EIF3L: variants seen among roughly 807,000 people sequenced by gnomAD.
The protein encoded by EIF3L is eIEF associated protein HSPC021.
In EIF3L, 32 loss-of-function variants were observed where a neutral mutation model predicts 74.6. The observed-to-expected ratio is 0.43, with a 90% CI of 0.32 to 0.58. The LOEUF is 0.58. Ranked by LOEUF, EIF3L falls within the 20% of genes least tolerant of loss-of-function variation. The pLI is 0.06. For missense variants in EIF3L, 474 were observed against 707.8 expected, an observed-to-expected ratio of 0.67 and a Z score of 3.75; for synonymous variants, 256 against 254.4, an observed-to-expected ratio of 1.01 and a Z score of -0.06.
chr22:37,876,099 C>T (rs989567662), intron 10 of EIF3L, 88 bp downstream of exon 10: 2 of 1,396,218 alleles, frequency 1.4e-6, no homozygotes, highest in Non-Finnish European at 2.0e-6. Flanking sequence ...AAACACCATC[C>T]AAAATATTGC....
At chr22:37,872,420 G>T (rs978608133) in intron 8 of EIF3L, among the ~76,000 whole-genome samples, 1 of 152,024 alleles carries the variant, frequency 6.6e-6, no homozygotes, top group African/African-American at 2.4e-5. Context: ...CACTGCGCCT[G>T]GCCATGTGTG....
chr22:37,876,236 C>A, intron 10 of EIF3L: 2 of 452,018 alleles, frequency 4.4e-6, no homozygotes, highest in South Asian at 3.3e-5. Context: ...ATCAGGCGAT[C>A]ATCCTACCTT....
At chr22:37,852,213 C>G (rs1176353683) in intron 3 of EIF3L, among the ~76,000 whole-genome samples, 1 of 152,148 alleles carries the variant, frequency 6.6e-6, no homozygotes, top group African/African-American at 2.4e-5. Context: ...ATAGATCCAT[C>G]AATGTTCAGT....
Position 37,863,357 on chromosome 22 carries a change from G to C in EIF3L, c.579+12G>C, listed in dbSNP as rs1264017168. The C allele has an allele frequency of 1.3e-6, 2 of 1,598,418 alleles. No homozygotes were observed. Among genetic ancestry groups the C allele is most frequent in the African/African-American group, 2.7e-5 (2 of 74,222 alleles). ...AGTTCATCTACCAGGTATCTGGTCA[G>C]CTTCAGCCTAATTTGAAATAACTGG... is the stretch of plus-strand genomic sequence containing the variant. On this transcript the variant is annotated intron_variant, in intron 7 of 12. Coordinates refer to ENST00000652021, the MANE Select transcript of EIF3L (RefSeq NM_016091.4).
intron 4 of EIF3L, among the ~76,000 whole-genome samples, chr22:37,855,984 A>G (rs1925480292): frequency 1.3e-5 from 2 of 152,060 alleles, no homozygotes; most frequent in Admixed American, 6.6e-5. Flanking sequence ...AGGTAGGCAA[A>G]TCCAACTTCA....
At chr22:37,863,213 C>A in intron 6 of EIF3L, 59 bp from the exon 7 acceptor site, 4 of 1,427,076 alleles carry the variant, frequency 2.8e-6, no homozygotes, top group Non-Finnish European at 3.9e-6. Context: ...CATTCTGCAG[C>A]CTACAGAATG....
intron 11 of EIF3L, chr22:37,879,035 C>G (rs1395537317): frequency 6.6e-6 from 1 of 151,270 alleles, no homozygotes; most frequent in African/African-American, 2.4e-5. Context: ...CCTCCGCCTC[C>G]CAGGTTCAAG....
At chr22:37,867,967 A>G (rs1196415272) in intron 7 of EIF3L, among the ~76,000 whole-genome samples, 2 of 151,394 alleles carry the variant, frequency 1.3e-5, no homozygotes. Flanking sequence ...AAAAAAAAAA[A>G]AAAGAAAAAG....
At chr22:37,883,387 C>T (rs914374563) in intron 11 of EIF3L, 1 of 151,068 alleles carries the variant, frequency 6.6e-6, no homozygotes, top group African/African-American at 2.4e-5. Flanking sequence ...CAAGACCATC[C>T]TGGCTAACAC....
At chr22:37,859,937 G>A (rs1275415243) in intron 5 of EIF3L, among the ~76,000 whole-genome samples, 8 of 152,020 alleles carry the variant, frequency 5.3e-5, no homozygotes, top group Admixed American at 4.6e-4. Context: ...GCTTGAACCC[G>A]GGAAGCGGAG....
intron 5 of EIF3L, among the ~76,000 whole-genome samples, chr22:37,862,151 A>C (rs1016574136): frequency 6.6e-6 from 1 of 152,212 alleles, no homozygotes; most frequent in Admixed American, 6.5e-5. Context: ...ATCTTACTTC[A>C]TTGTGACTAG....
chr22:37,849,593 C>T (rs1241035166), intron 1 of EIF3L, 111 bp downstream of exon 1: 6 of 1,258,190 alleles, frequency 4.8e-6, no homozygotes, highest in East Asian at 2.4e-5. Flanking sequence ...CTCCGGCCGA[C>T]CTCCCGCCCG....
At chr22:37,875,044 A>G (rs567343778) in intron 9 of EIF3L, among the ~76,000 whole-genome samples, 2 of 150,486 alleles carry the variant, frequency 1.3e-5, no homozygotes, top group East Asian at 2.1e-4. Context: ...TGCCTGGCCC[A>G]TGGCAGCTCT....
intron 5 of EIF3L, among the ~76,000 whole-genome samples, chr22:37,860,188 C>T (rs1017307131): frequency 2.0e-5 from 3 of 152,112 alleles, no homozygotes. Context: ...TCTTATTTTC[C>T]CTCTAAACTA....
chr22:37,853,033 C>T (rs1367075189), intron 3 of EIF3L, among the ~76,000 whole-genome samples: 1 of 152,094 alleles, frequency 6.6e-6, no homozygotes, highest in Non-Finnish European at 1.5e-5. Flanking sequence ...ATGATGAATC[C>T]GTATCTGTAC....
In EIF3L at chr22:37,877,895, C is replaced by T. The variant is rs1438261778; in HGVS notation, c.1299C>T (p.Pro433=). 1.9e-6 allele frequency: 3 copies of T among 1,612,908 alleles called. No homozygotes were observed. Among genetic ancestry groups the T allele is most frequent in the African/African-American group, 2.7e-5 (2 of 74,880 alleles). ...TGCCCAACTATGATAATGTGCACCC[C>T]AACTACCACAAAGAGCCCTTCCTGC... ...PVVPNYDNVH[P]NYHKEPFLQQ... is the part of the protein sequence containing the mutation. Residue 433 remains proline, a synonymous_variant, in exon 11 of 13, where the codon CCC becomes CCT. Transcript: ENST00000652021.
intron 4 of EIF3L, among the ~76,000 whole-genome samples, chr22:37,856,590 A>G (rs1925520378): frequency 6.6e-6 from 1 of 152,042 alleles, no homozygotes; most frequent in Admixed American, 6.5e-5. Flanking sequence ...CACGCCTGTA[A>G]TCCAAGCACT....
At chr22:37,869,215 G>A (rs1009880278) in intron 7 of EIF3L, among the ~76,000 whole-genome samples, 6 of 152,258 alleles carry the variant, frequency 3.9e-5, no homozygotes, top group East Asian at 1.9e-4. Context: ...TGTAGCCTCC[G>A]CCTCCTGGGC....
intron 7 of EIF3L, among the ~76,000 whole-genome samples, chr22:37,868,217 C>T (rs540823602): frequency 2.8e-5 from 4 of 144,632 alleles, no homozygotes; most frequent in Non-Finnish European, 4.5e-5. Context: ...TGTGTTCAAG[C>T]GATTTTCCTG....
Sources: allele counts gnomAD v4.1 joint callset (sites outside exome capture counted in the v4.1 genomes callset), GRCh38; gene constraint gnomAD v4.1.1; transcripts MANE v1.5; gene names NCBI Gene and HGNC (gene_info 2026-07-23, HGNC 2026-07-21).